TOP1MT: variants seen among roughly 807,000 people sequenced by gnomAD.
The protein encoded by TOP1MT is DNA topoisomerase I, mitochondrial.
TOP1MT carries 80 observed loss-of-function variants against 73.9 expected under a neutral mutation model. The observed-to-expected ratio is 1.08, with a 90% CI of 0.90 to 1.30. The LOEUF is 1.30. TOP1MT is among the 50% of genes most tolerant of loss of function. The pLI is 0.00. For missense variants in TOP1MT, 815 were observed against 808.0 expected, an observed-to-expected ratio of 1.01 and a Z score of -0.10; for synonymous variants, 338 against 326.4, an observed-to-expected ratio of 1.04 and a Z score of -0.38.
At chr8:143,327,755 G>A in intron 3 of TOP1MT, 1 of 371,886 alleles carries the variant, frequency 2.7e-6, no homozygotes, top group Non-Finnish European at 5.3e-6. Flanking sequence ...GCAGAGGGGT[G>A]GCATCAGGCC....
chr8:143,342,394 T>C (rs1158679771), intron 2 of TOP1MT, among the ~76,000 whole-genome samples: 1 of 93,654 alleles, frequency 1.1e-5, no homozygotes, highest in Non-Finnish European at 1.9e-5. Context: ...AGCCTCGCTG[T>C]TATTATTATT....
chr8:143,332,490 C>T (rs1274355553), intron 1 of TOP1MT: 3 of 1,289,096 alleles, frequency 2.3e-6, no homozygotes, highest in Admixed American at 2.3e-5. Context: ...CCCCCACCTG[C>T]CAGAGCCAGG....
At chr8:143,338,206 G>C (rs1005991991), upstream of TOP1MT, among the ~76,000 whole-genome samples, 10 of 152,160 alleles carry the variant, frequency 6.6e-5, no homozygotes, top group Non-Finnish European at 1.5e-5. Context: ...AGGAGTTCAA[G>C]ACTGCAGTGA....
chr8:143,313,840 G>A (rs377175203), intron 12 of TOP1MT, among the ~76,000 whole-genome samples: 25 of 149,562 alleles, frequency 1.7e-4, no homozygotes, highest in African/African-American at 5.4e-4. Flanking sequence ...TGGCGACAGA[G>A]CAATGCTCTG....
intron 2 of TOP1MT, 134 bp downstream of exon 2, chr8:143,331,090 G>T: frequency 3.1e-6 from 2 of 646,282 alleles, no homozygotes; most frequent in Non-Finnish European, 5.1e-6. Context: ...CGCATCACCT[G>T]CAAGAAGAGG....
At chr8:143,322,197 ACACACACAGGCACGC>A (rs1440012206) in intron 7 of TOP1MT, among the ~76,000 whole-genome samples, 4 of 39,416 alleles carry the variant, frequency 1.0e-4, no homozygotes, top group Admixed American at 5.9e-4. Context: ...CAGGCACGCC[ACACACACAGGCACGC>A]CACACACAGG....
At chr8:143,358,158 G>T (rs1245935970), upstream of TOP1MT, among the ~76,000 whole-genome samples, 7 of 152,108 alleles carry the variant, frequency 4.6e-5, no homozygotes, top group Non-Finnish European at 2.9e-5. Flanking sequence ...CCTGGTCTTC[G>T]CCCTGTCTTC....
Position 143,310,726 on chromosome 8 carries a change from C to G in TOP1MT, c.1554-509G>C, listed in dbSNP as rs536546813. 3.3e-5 allele frequency among the ~76,000 whole-genome samples: 5 copies of G among 152,314 alleles called. No homozygotes were observed. In the South Asian group the frequency reaches 1.0e-3, roughly 32 times the overall value. ...TCTAGGAATTTGTGCCACAAACACTCGAATGTGCGTGGAAAGACAAACTTG... is the reference window on the plus strand; with the variant it reads ...TCTAGGAATTTGTGCCACAAACACTGGAATGTGCGTGGAAAGACAAACTTG... On this transcript the variant is annotated intron_variant, in intron 12 of 13. Coordinates refer to ENST00000329245, the MANE Select transcript of TOP1MT (RefSeq NM_052963.3).
chr8:143,315,535 G>A (rs1270691019), intron 12 of TOP1MT, among the ~76,000 whole-genome samples, 192 bp downstream of exon 12: 11 of 152,190 alleles, frequency 7.2e-5, no homozygotes, highest in African/African-American at 2.2e-4. Context: ...CAGTCTCCGC[G>A]TCTTGGTGGT....
upstream of TOP1MT, among the ~76,000 whole-genome samples, chr8:143,337,461 T>A (rs1817002307): frequency 6.6e-6 from 1 of 152,056 alleles, no homozygotes; most frequent in Non-Finnish European, 1.5e-5. Context: ...ACAATCCCCA[T>A]CTAAATTCCA....
At chr8:143,352,386 T>C (rs2450749) in intron 1 of TOP1MT, among the ~76,000 whole-genome samples, 128,491 of 152,180 alleles carry the variant, frequency 0.84, 54,229 homozygotes, top group South Asian at 0.92. Context: ...TAAACCCACA[T>C]GCCTGTGGGC....
chr8:143,347,826 C>T (rs765028051), upstream of TOP1MT, among the ~76,000 whole-genome samples: 2 of 152,160 alleles, frequency 1.3e-5, no homozygotes, highest in Admixed American at 1.3e-4. Context: ...GCGGGACCAC[C>T]GCTTTGAGCC....
At position 143,325,339 on chromosome 8, in the gene TOP1MT, C is replaced by A; in HGVS notation, c.671+7G>T. ...AGTGCCCGCCTGCTGCCCGCCCGGC[C>A]ACGCACCTGCTGCAGTTGATAACCA... On this transcript the variant is annotated splice_region_variant and intron_variant, in intron 5 of 13. Coordinates refer to ENST00000329245, the MANE Select transcript of TOP1MT (RefSeq NM_052963.3). 1.3e-6 allele frequency: 2 copies of A among 1,581,956 alleles called. No homozygotes were observed. The highest frequency in any genetic ancestry group is 2.2e-5 in the South Asian group (2 of 90,238).
At chr8:143,351,986 G>A (rs1400917915) in intron 1 of TOP1MT, among the ~76,000 whole-genome samples, 1 of 152,250 alleles carries the variant, frequency 6.6e-6, no homozygotes, top group East Asian at 1.9e-4. Flanking sequence ...GGAGGCTGAG[G>A]CAGGAGAATC....
At chr8:143,340,878 C>T (rs996624484) in intron 2 of TOP1MT, among the ~76,000 whole-genome samples, 4 of 152,222 alleles carry the variant, frequency 2.6e-5, no homozygotes, top group African/African-American at 4.8e-5. Context: ...TTTACATCCT[C>T]GTCCTCGTTC....
intron 7 of TOP1MT, among the ~76,000 whole-genome samples, chr8:143,322,673 ACGCACGC>A (rs1413836998): frequency 1.7e-5 from 2 of 116,426 alleles, no homozygotes; most frequent in Admixed American, 8.3e-5. Flanking sequence ...CACGCCACAC[ACGCACGC>A]CACACACGCA....
intron 2 of TOP1MT, among the ~76,000 whole-genome samples, chr8:143,330,947 A>AGGGGGGGGGTGGGGGGGGGGGG (rs140746863): frequency 1.7e-5 from 1 of 59,866 alleles, no homozygotes; most frequent in African/African-American, 5.0e-5. Context: ...GGGGGGAGGG[A>AGGGGGGGGGTGGGGGGGGGGGG]GGGGGGGTCC....
chr8:143,334,825 G>C lies in TOP1MT; in HGVS notation c.37C>G (p.Leu13Val). Residue 13 changes from leucine to valine, a missense_variant, in exon 1 of 14, where the codon CTG becomes GTG. By Grantham distance (32) the Leu-to-Val change is conservative (BLOSUM62 1). Transcript: ENST00000329245. ...CGGGGGACCTCCCCGAGCAGCGTCA[G>C]AGCCGCCCGGAGCCGCAGCAGCCGC... ...VVRLLRLRAA[L>V]TLLGEVPRRP... 2.0e-6 allele frequency: 3 copies of C among 1,523,396 alleles called. No homozygotes were observed. The highest frequency in any genetic ancestry group is 1.2e-5 in the South Asian group (1 of 85,242). 94.4% of individuals were successfully genotyped at this position (1,523,396 alleles called of 1,614,324 possible).
At chr8:143,337,164 C>T (rs1457047443), upstream of TOP1MT, among the ~76,000 whole-genome samples, 1 of 152,076 alleles carries the variant, frequency 6.6e-6, no homozygotes, top group African/African-American at 2.4e-5. Flanking sequence ...CAGTGGCTCA[C>T]GCCTGTAATC....
Sources: gnomAD v4.1 joint callset for allele counts (sites outside exome capture counted in the v4.1 genomes callset) on GRCh38, gnomAD v4.1.1 for gene constraint, MANE v1.5 for transcripts, NCBI Gene and HGNC (gene_info 2026-07-23, HGNC 2026-07-21) for gene names.